Variants in MFHAS1 observed in about 807,000 individuals in gnomAD.
The protein encoded by MFHAS1 is malignant fibrous histiocytoma-amplified sequence 1.
A neutral mutation model predicts 70.4 loss-of-function variants in MFHAS1; 50 were observed. The observed-to-expected ratio is 0.71, with a 90% CI of 0.57 to 0.90. MFHAS1 has a LOEUF of 0.90. Ranked by LOEUF, MFHAS1 falls within the 40% of genes least tolerant of loss-of-function variation. MFHAS1 has a pLI of 0.00. For missense variants in MFHAS1, 1,795 were observed against 1,347.6 expected (o/e 1.33, Z -5.20); for synonymous variants, 952 against 620.0 (o/e 1.54, Z -7.96).
intron 1 of MFHAS1, among the ~76,000 whole-genome samples, chr8:8,813,270 T>C (rs1441891411): frequency 1.3e-5 from 2 of 152,212 alleles, no homozygotes; most frequent in Non-Finnish European, 2.9e-5. Context: ...GTACAGTATA[T>C]AATAACAAAC....
chr8:8,839,244 TAA>T (rs751599181), intron 1 of MFHAS1, among the ~76,000 whole-genome samples: 2 of 151,662 alleles, frequency 1.3e-5, no homozygotes, highest in Non-Finnish European at 2.9e-5. Context: ...AAGAGAAAAA[TAA>T]AGTTTTTTTT....
intron 1 of MFHAS1, among the ~76,000 whole-genome samples, chr8:8,861,506 T>C (rs1228080684): frequency 6.6e-6 from 1 of 152,194 alleles, no homozygotes; most frequent in Non-Finnish European, 1.5e-5. Context: ...ACCAAATTAG[T>C]GTGAAAACAG....
At chr8:8,817,408 C>G (rs1390132640) in intron 1 of MFHAS1, among the ~76,000 whole-genome samples, 2 of 152,220 alleles carry the variant, frequency 1.3e-5, no homozygotes, top group African/African-American at 2.4e-5. Flanking sequence ...AGTTGCCAAC[C>G]TACACATACT....
At chr8:8,867,668 C>T (rs1440975354) in intron 1 of MFHAS1, among the ~76,000 whole-genome samples, 1 of 151,924 alleles carries the variant, frequency 6.6e-6, no homozygotes, top group African/African-American at 2.4e-5. Context: ...TGCCATTCTC[C>T]TGCCTCAGCC....
At position 8,890,487 on chromosome 8, in the gene MFHAS1, C is replaced by T. The variant is rs141071287; in HGVS notation, c.2572G>A (p.Val858Met). Residue 858 changes from valine (V) to methionine (M), a missense_variant, in exon 1 of 3, where the codon GTG (valine) becomes ATG (methionine). Transcript: ENST00000276282. Reference protein sequence around the residue: ...YKFPCYVQNEVPHAEAWINGT... With the variant: ...YKFPCYVQNEMPHAEAWINGT... Reference sequence around the variant, plus strand: ...TTAATCCAGGCTTCTGCATGGGGCACCTCGTTCTGCACATAGCATGGGAAC... The same window carrying T: ...TTAATCCAGGCTTCTGCATGGGGCATCTCGTTCTGCACATAGCATGGGAAC... 6.2e-7 allele frequency: 1 copy of T among 1,613,836 alleles called. No individual in the cohort carries two copies. Among genetic ancestry groups the T allele is most frequent in the East Asian group, 2.2e-5 (1 of 44,884 alleles).
chr8:8,824,003 T>C (rs574991652), intron 1 of MFHAS1, among the ~76,000 whole-genome samples: 35 of 147,922 alleles, frequency 2.4e-4, no homozygotes, highest in African/African-American at 8.2e-4. Flanking sequence ...AGATTTAATT[T>C]TGTGCTTAAA....
chr8:8,789,546 G>C (rs1805659242), intron 2 of MFHAS1, among the ~76,000 whole-genome samples: 1 of 152,128 alleles, frequency 6.6e-6, no homozygotes, highest in Admixed American at 6.5e-5. Context: ...ATGCAACAAA[G>C]AAATTATGAC....
At chr8:8,887,784 T>C (rs547291304) in intron 1 of MFHAS1, among the ~76,000 whole-genome samples, 15 of 149,976 alleles carry the variant, frequency 1.0e-4, no homozygotes, top group African/African-American at 3.7e-4. Flanking sequence ...TGTTTCTGCA[T>C]CTCAGTACAA....
intron 1 of MFHAS1, among the ~76,000 whole-genome samples, chr8:8,875,398 A>C (rs539260011): frequency 6.6e-6 from 1 of 152,346 alleles, no homozygotes; most frequent in East Asian, 1.9e-4. Flanking sequence ...TACTGTATAA[A>C]TACTAATCAC....
Position 8,797,620 on chromosome 8 carries a change from G to C in MFHAS1, c.2999-129C>G, listed in dbSNP as rs1474453750. ...AGAGGTGAAGCAACGAAGGATGTGAGAACAAATGTGCAACCAAGAACAGCA... is the reference window on the plus strand; with the variant it reads ...AGAGGTGAAGCAACGAAGGATGTGACAACAAATGTGCAACCAAGAACAGCA... On this transcript the variant is annotated intron_variant, in intron 1 of 2. Coordinates refer to ENST00000276282, the MANE Select transcript of MFHAS1 (RefSeq NM_004225.3). 2.9e-6 allele frequency: 3 copies of C among 1,039,012 alleles called. No individual in the cohort carries two copies. In the African/African-American group the frequency reaches 4.8e-5, roughly 17 times the overall value. 64.4% of individuals were successfully genotyped at this position (1,039,012 alleles called of 1,614,324 possible).
intron 1 of MFHAS1, among the ~76,000 whole-genome samples, chr8:8,839,097 C>G (rs1046671359): frequency 2.0e-5 from 3 of 151,920 alleles, no homozygotes; most frequent in African/African-American, 7.3e-5. Flanking sequence ...ACAATAAACC[C>G]ATTTCCTGCA....
rs986365966 is a variant in MFHAS1 at position 8,845,320 on chromosome 8, T to A, written c.2998+44741A>T. Among the ~76,000 whole-genome samples, 4 of 152,220 alleles carry A rather than the reference T, an allele frequency of 2.6e-5. No individual in the cohort carries two copies. In the South Asian group the frequency reaches 6.2e-4, roughly 24 times the overall value. On this transcript the variant is annotated intron_variant, in intron 1 of 2. Coordinates refer to ENST00000276282, the MANE Select transcript of MFHAS1 (RefSeq NM_004225.3). ...GGTGCTTTCATCATCAATACCAATA[T>A]TGGCAAGATTACAATTGATGTATCT...
chr8:8,827,443 G>A (rs1533059), intron 1 of MFHAS1, among the ~76,000 whole-genome samples: 72,920 of 152,046 alleles, frequency 0.48, 18,220 homozygotes, highest in East Asian at 0.76. Flanking sequence ...ATCAGACTTA[G>A]CCACATCCAA....
chr8:8,828,312 T>C (rs1485890185), intron 1 of MFHAS1, among the ~76,000 whole-genome samples: 1 of 152,236 alleles, frequency 6.6e-6, no homozygotes, highest in African/African-American at 2.4e-5. Flanking sequence ...AGTTTGAACT[T>C]ACACTTAGGT....
Position 8,890,617 on chromosome 8 carries a change from C to G in MFHAS1, c.2442G>C (p.Gln814His). ...RLLLKPHVQA[Q>H]QDLQLLLELL... is the part of the protein sequence containing the mutation. The stretch of plus-strand genomic sequence containing the variant: ...GCTCCAGCAACAGCTGCAAGTCCTG[C>G]TGGGCCTGGACATGAGGCTTAAGCA... The change falls in exon 1 of 3, where the codon CAG becomes CAC. Residue 814 changes from glutamine to histidine, a missense_variant. Coordinates refer to ENST00000276282, the MANE Select transcript of MFHAS1 (RefSeq NM_004225.3). The G allele has an allele frequency of 6.2e-7, 1 of 1,613,942 alleles. No individual in the cohort carries two copies. The highest frequency in any genetic ancestry group is 8.5e-7 in the Non-Finnish European group (1 of 1,180,010).
chr8:8,841,058 T>C (rs188521735), intron 1 of MFHAS1, among the ~76,000 whole-genome samples: 72 of 152,258 alleles, frequency 4.7e-4, no homozygotes, highest in Middle Eastern at 3.4e-3. Flanking sequence ...TAAAAAATAA[T>C]AAAATGTAGG....
At chr8:8,820,752 C>T (rs922969682) in intron 1 of MFHAS1, among the ~76,000 whole-genome samples, 2 of 152,110 alleles carry the variant, frequency 1.3e-5, no homozygotes, top group African/African-American at 4.8e-5. Context: ...AGGGGTGCCC[C>T]GGGAAAATCT....
chr8:8,841,146 T>G (rs183989076), intron 1 of MFHAS1, among the ~76,000 whole-genome samples: 3 of 152,346 alleles, frequency 2.0e-5, no homozygotes, highest in East Asian at 3.9e-4. Flanking sequence ...ATATTCTTCA[T>G]GTGCTAAAAA....
At chr8:8,791,545 C>T in intron 2 of MFHAS1, among the ~76,000 whole-genome samples, 1 of 152,116 alleles carries the variant, frequency 6.6e-6, no homozygotes, top group East Asian at 1.9e-4. Context: ...TGCAGGAACC[C>T]TAGAAATGAA....
Sources: allele counts gnomAD v4.1 joint callset (sites outside exome capture counted in the v4.1 genomes callset), GRCh38; gene constraint gnomAD v4.1.1; transcripts MANE v1.5; gene names NCBI Gene and HGNC (gene_info 2026-07-23, HGNC 2026-07-21).